Variants in ACP3 observed in about 807,000 individuals in gnomAD.
The protein encoded by ACP3 is acid phosphatase 3, also known as prostatic acid phosphatase.
In ACP3, 38 loss-of-function variants were observed where a neutral mutation model predicts 45.6. The observed-to-expected ratio is 0.83, with a 90% CI of 0.64 to 1.09. The LOEUF is 1.09. ACP3 is among the 50% of genes least tolerant of loss of function. The pLI is 0.00. For missense variants in ACP3, 466 were observed against 463.2 expected (o/e 1.01, Z -0.05); for synonymous variants, 162 against 164.7 (o/e 0.98, Z 0.13).
chr3:132,331,533 C>T lies in ACP3; in HGVS notation c.217-114C>T. The T allele has an allele frequency of 7.0e-6, 5 of 711,252 alleles. No individual in the cohort carries two copies. The East Asian group carries it at 9.0e-5, about 13-fold the overall frequency. 44.1% of individuals were successfully genotyped at this position (711,252 alleles called of 1,614,324 possible). A position where few individuals can be genotyped will look rare whatever the true frequency, so the allele number is the denominator to read the frequency against. ...TGTCATTATTGTGGAACTATTAAAC[C>T]ACACCATTGTTCATTCTACACACAT... On this transcript the variant is annotated intron_variant, in intron 2 of 9. Coordinates refer to ENST00000336375, the MANE Select transcript of ACP3 (RefSeq NM_001099.5).
At chr3:132,332,641 AGAC>A (rs1937421864) in intron 4 of ACP3, 2 of 293,402 alleles carry the variant, frequency 6.8e-6, no homozygotes, top group African/African-American at 4.3e-5. Context: ...AGAGGGAGAT[AGAC>A]AAGTCCCCCA....
chr3:132,360,982 C>G (rs1276485599), downstream of ACP3, among the ~76,000 whole-genome samples: 1 of 152,168 alleles, frequency 6.6e-6, no homozygotes, highest in Non-Finnish European at 1.5e-5. Flanking sequence ...AAGTCAGAAG[C>G]CTGGAACTCA....
At chr3:132,352,545 A>G (rs188070272) in intron 8 of ACP3, among the ~76,000 whole-genome samples, 175 bp from the exon 9 acceptor site, 245 of 152,296 alleles carry the variant, frequency 1.6e-3, no homozygotes, top group Non-Finnish European at 2.9e-3. Flanking sequence ...TCTAAATCAT[A>G]CTGCCTAGCA....
chr3:132,317,436 C>T lies in ACP3; in HGVS notation c.-21C>T. ...TGGTAGCAGTTCCTCCTAACTCCTG[C>T]CAGAAACAGCTCTCCTCAACATGAG... On this transcript the variant is annotated 5_prime_UTR_variant, in exon 1 of 10. Coordinates refer to ENST00000336375, the MANE Select transcript of ACP3 (RefSeq NM_001099.5). 6.2e-7 allele frequency: 1 copy of T among 1,606,958 alleles called. No homozygotes were observed. Among genetic ancestry groups the T allele is most frequent in the Non-Finnish European group, 8.5e-7 (1 of 1,177,556 alleles).
chr3:132,355,936 G>A (rs1230141805), intron 9 of ACP3, among the ~76,000 whole-genome samples: 1 of 152,142 alleles, frequency 6.6e-6, no homozygotes, highest in African/African-American at 2.4e-5. Flanking sequence ...ACCAAAAGAA[G>A]GATCTCTAAA....
intron 1 of ACP3, among the ~76,000 whole-genome samples, chr3:132,321,637 C>A (rs1937208687): frequency 6.6e-6 from 1 of 152,134 alleles, no homozygotes; most frequent in East Asian, 1.9e-4. Context: ...TTCAGCCAAC[C>A]AGGTTATTCC....
At chr3:132,354,273 C>T (rs565982470) in intron 9 of ACP3, among the ~76,000 whole-genome samples, 28 of 152,174 alleles carry the variant, frequency 1.8e-4, no homozygotes, top group African/African-American at 6.3e-4. Context: ...CTCGTACCTC[C>T]CTGTTCTCTG....
chr3:132,325,148 A>T lies in ACP3; in HGVS notation c.121-3119A>T, dbSNP rs80314228. On this transcript the variant is annotated intron_variant, in intron 1 of 9. Transcript: ENST00000336375. ...AAAGAATGTCTTCGCATAGTCCAAG[A>T]ACTCCAGCTGAATTTTGAAACTCCA... Among the ~76,000 whole-genome samples the T allele has an allele frequency of 9.3e-3, 1,409 of 152,322 alleles. 29 individuals are homozygous for T. The highest frequency in any genetic ancestry group is 0.032 in the African/African-American group (1,332 of 41,566).
chr3:132,327,505 CT>C (rs1203879676), intron 1 of ACP3, among the ~76,000 whole-genome samples: 2 of 145,702 alleles, frequency 1.4e-5, no homozygotes, highest in Admixed American at 1.4e-4. Flanking sequence ...CAGAGCAAGA[CT>C]CAGTCTCGAA....
At chr3:132,343,213 G>A (rs1014445197) in intron 6 of ACP3, among the ~76,000 whole-genome samples, 1 of 152,168 alleles carries the variant, frequency 6.6e-6, no homozygotes, top group African/African-American at 2.4e-5. Flanking sequence ...CTGGCCAAAA[G>A]GAGTACTCTC....
At chr3:132,320,233 CT>C (rs997745258) in intron 1 of ACP3, among the ~76,000 whole-genome samples, 1 of 152,142 alleles carries the variant, frequency 6.6e-6, no homozygotes, top group African/African-American at 2.4e-5. Context: ...TCACCTCCCT[CT>C]TTTTTTCCCC....
intron 1 of ACP3, among the ~76,000 whole-genome samples, chr3:132,320,429 T>C (rs1350819266): frequency 1.3e-5 from 2 of 152,154 alleles, no homozygotes; most frequent in Non-Finnish European, 2.9e-5. Flanking sequence ...AGTTATTTCA[T>C]GCACCATATC....
At chr3:132,343,603 A>G (rs1465675184) in intron 6 of ACP3, among the ~76,000 whole-genome samples, 1 of 151,880 alleles carries the variant, frequency 6.6e-6, no homozygotes, top group Non-Finnish European at 1.5e-5. Flanking sequence ...TATTTTTTCC[A>G]AATCTCTCTC....
At chr3:132,359,421 T>A (rs1210519746), downstream of ACP3, among the ~76,000 whole-genome samples, 1 of 152,030 alleles carries the variant, frequency 6.6e-6, no homozygotes, top group East Asian at 1.9e-4. Context: ...GGCAGGAGAA[T>A]GGCGTGAACC....
chr3:132,362,110 T>C (rs1938051118), downstream of ACP3, among the ~76,000 whole-genome samples: 1 of 152,228 alleles, frequency 6.6e-6, no homozygotes, highest in Admixed American at 6.5e-5. Context: ...ATGTCCACCC[T>C]TCTGTCATCT....
chr3:132,347,872 C>CACACACA (rs781155077), intron 7 of ACP3, among the ~76,000 whole-genome samples: 3 of 149,974 alleles, frequency 2.0e-5, no homozygotes, highest in Non-Finnish European at 4.4e-5. Context: ...CACACACACA[C>CACACACA]CAAAAAAATC....
downstream of ACP3, among the ~76,000 whole-genome samples, chr3:132,359,287 C>T (rs554266212): frequency 5.7e-4 from 86 of 152,114 alleles, no homozygotes; most frequent in South Asian, 0.011. Flanking sequence ...CCAAGGTGGG[C>T]GGATCACAAG....
chr3:132,359,503 G>A (rs1160486250), downstream of ACP3, among the ~76,000 whole-genome samples: 1 of 149,380 alleles, frequency 6.7e-6, no homozygotes, highest in Non-Finnish European at 1.5e-5. Flanking sequence ...GCGAGACTCT[G>A]TCTAAATAAA....
downstream of ACP3, among the ~76,000 whole-genome samples, chr3:132,359,315 A>G (rs757309079): frequency 5.9e-5 from 9 of 152,150 alleles, no homozygotes; most frequent in South Asian, 2.1e-4. Context: ...GATTGAGACC[A>G]TCCTGGCTAA....
Sources: gnomAD v4.1 joint callset for allele counts (sites outside exome capture counted in the v4.1 genomes callset) on GRCh38, gnomAD v4.1.1 for gene constraint, MANE v1.5 for transcripts, NCBI Gene and HGNC (gene_info 2026-07-23, HGNC 2026-07-21) for gene names.